Variants in PCDH7 observed in about 807,000 individuals in gnomAD.
PCDH7 encodes protocadherin 7, also known as protocadherin-7.
In PCDH7, 17 loss-of-function variants were observed where a neutral mutation model predicts 58.9. The ratio of observed to expected loss-of-function variants is 0.29; its 90% CI spans 0.20 to 0.43. The LOEUF (loss-of-function observed/expected upper bound fraction) is 0.43. Ranked by LOEUF, PCDH7 falls within the 20% of genes least tolerant of loss-of-function variation. The pLI is 1.00. For missense variants in PCDH7, 1,274 were observed against 1,441.0 expected (o/e 0.88, Z 1.88); for synonymous variants, 664 against 616.4 (o/e 1.08, Z -1.14).
chr4:31,065,918 T>G (rs1758050888), intron 3 of PCDH7, among the ~76,000 whole-genome samples: 1 of 151,914 alleles, frequency 6.6e-6, no homozygotes, highest in Non-Finnish European at 1.5e-5. Flanking sequence ...AAAATTGAGT[T>G]ATTTTGGTAA....
intron 3 of PCDH7, among the ~76,000 whole-genome samples, chr4:31,036,374 C>G (rs1248984855): frequency 6.6e-6 from 1 of 152,042 alleles, no homozygotes; most frequent in East Asian, 1.9e-4. Context: ...TTAGTAGAGA[C>G]AGAGTTTCAC....
intron 1 of PCDH7, among the ~76,000 whole-genome samples, chr4:30,870,578 G>A (rs1735454918): frequency 6.6e-6 from 1 of 151,954 alleles, no homozygotes; most frequent in African/African-American, 2.4e-5. Flanking sequence ...ACCATAGAAG[G>A]CTTCTATGGA....
intron 3 of PCDH7, among the ~76,000 whole-genome samples, chr4:31,074,729 G>C (rs1404954527): frequency 1.5e-5 from 2 of 133,396 alleles, no homozygotes; most frequent in South Asian, 2.5e-4. Flanking sequence ...AGGTTGCAGT[G>C]AGCCGAGATC....
At chr4:31,130,766 G>A (rs1421022477) in intron 3 of PCDH7, among the ~76,000 whole-genome samples, 1 of 152,114 alleles carries the variant, frequency 6.6e-6, no homozygotes, top group African/African-American at 2.4e-5. Context: ...GCAATGACAA[G>A]TGCAGTCTTT....
chr4:31,131,762 A>G (rs1159470010), intron 3 of PCDH7, among the ~76,000 whole-genome samples: 3 of 152,192 alleles, frequency 2.0e-5, no homozygotes, highest in African/African-American at 7.2e-5. Context: ...CCAAGCAAAG[A>G]GTTTGAGAAT....
intron 3 of PCDH7, among the ~76,000 whole-genome samples, chr4:31,105,662 G>C (rs1262318987): frequency 6.6e-6 from 1 of 152,138 alleles, no homozygotes; most frequent in Non-Finnish European, 1.5e-5. Flanking sequence ...GCTATAATAA[G>C]TATTGTTAGA....
At chr4:30,996,994 G>T (rs1014287443) in intron 3 of PCDH7, among the ~76,000 whole-genome samples, 1 of 151,926 alleles carries the variant, frequency 6.6e-6, no homozygotes, top group African/African-American at 2.4e-5. Flanking sequence ...CATTAAATTG[G>T]ATACTAATTG....
At chr4:30,750,761 G>T (rs1049710553) in intron 1 of PCDH7, among the ~76,000 whole-genome samples, 1 of 152,116 alleles carries the variant, frequency 6.6e-6, no homozygotes, top group Non-Finnish European at 1.5e-5. Flanking sequence ...TACAAAAAAT[G>T]GTTATGAATG....
chr4:30,902,225 G>A (rs1444696114), intron 1 of PCDH7, among the ~76,000 whole-genome samples: 3 of 152,108 alleles, frequency 2.0e-5, no homozygotes, highest in Non-Finnish European at 4.4e-5. Flanking sequence ...TTATCCACTG[G>A]AAAGGATGAT....
At chr4:30,784,861 A>G (rs1269798793) in intron 1 of PCDH7, among the ~76,000 whole-genome samples, 1 of 152,060 alleles carries the variant, frequency 6.6e-6, no homozygotes, top group Non-Finnish European at 1.5e-5. Flanking sequence ...GGTGTATTCC[A>G]CAATCTAAAA....
At chr4:30,929,556 G>A (rs1297497723) in intron 2 of PCDH7, among the ~76,000 whole-genome samples, 2 of 151,962 alleles carry the variant, frequency 1.3e-5, no homozygotes, top group Admixed American at 6.5e-5. Flanking sequence ...ACTAACATAT[G>A]ATAATGTTAA....
At chr4:30,742,287 A>T (rs1239669659) in intron 1 of PCDH7, among the ~76,000 whole-genome samples, 2 of 152,200 alleles carry the variant, frequency 1.3e-5, no homozygotes, top group Non-Finnish European at 2.9e-5. Flanking sequence ...TTAATGAAGA[A>T]TTTATGCTTA....
At chr4:30,744,993 T>C (rs1717578937) in intron 1 of PCDH7, among the ~76,000 whole-genome samples, 1 of 152,232 alleles carries the variant, frequency 6.6e-6, no homozygotes, top group Non-Finnish European at 1.5e-5. Context: ...TAGTTATTTT[T>C]AGATGTCAAA....
chr4:31,056,514 A>AAAGAAAGG (rs1560608904), intron 3 of PCDH7, among the ~76,000 whole-genome samples: 1 of 102,506 alleles, frequency 9.8e-6, no homozygotes, highest in Admixed American at 9.4e-5. Flanking sequence ...AGAAAGAAAG[A>AAAGAAAGG]AAGGGGAAGG....
intron 3 of PCDH7, among the ~76,000 whole-genome samples, chr4:31,022,912 C>T (rs1242519811): frequency 6.6e-6 from 1 of 151,796 alleles, no homozygotes; most frequent in Non-Finnish European, 1.5e-5. Context: ...TAAAATAGAC[C>T]AACAGTTAAG....
Position 30,722,141 on chromosome 4 carries a change from G to T in PCDH7, c.719G>T (p.Arg240Leu), listed in dbSNP as rs1429311638. The T allele has an allele frequency of 2.7e-6, 4 of 1,465,444 alleles. No individual in the cohort carries two copies. In the African/African-American group the frequency reaches 4.4e-5, roughly 16 times the overall value. 90.8% of individuals were successfully genotyped at this position (1,465,444 alleles called of 1,614,324 possible). Residue 240 changes from arginine (R) to leucine (L), a missense_variant, in exon 1 of 2, where the codon CGC becomes CTC. By Grantham distance (102) the Arg-to-Leu change is moderately radical. Coordinates refer to ENST00000361762, the Ensembl canonical transcript of PCDH7. This position sits in a 1 kb window ranked among gnomAD's most constrained non-coding sequence, Gnocchi z 7.6. ...GGCGGCGGCACCAACCCCGGCGGCC[G>T]CAGCAGCGTGTTCGAGCTGCAGGTG...
chr4:30,796,951 T>C (rs2109303021), intron 1 of PCDH7, among the ~76,000 whole-genome samples: 1 of 152,104 alleles, frequency 6.6e-6, no homozygotes, highest in South Asian at 2.1e-4. Context: ...TATTAAGTTG[T>C]TGGCGCTTTT....
intron 2 of PCDH7, among the ~76,000 whole-genome samples, chr4:30,940,508 G>T (rs1037702394): frequency 1.3e-5 from 2 of 151,800 alleles, no homozygotes; most frequent in Non-Finnish European, 2.9e-5. Flanking sequence ...TATTTTTTGT[G>T]CATTATGTAT....
At chr4:30,822,078 C>T (rs1376185626) in intron 1 of PCDH7, among the ~76,000 whole-genome samples, 3 of 152,040 alleles carry the variant, frequency 2.0e-5, no homozygotes, top group Admixed American at 2.0e-4. Context: ...ATGGCACAGA[C>T]ATAGTAAGTC....
Sources: gnomAD v4.1 joint callset for allele counts (sites outside exome capture counted in the v4.1 genomes callset) on GRCh38, gnomAD v4.1.1 for gene constraint, Gnocchi (gnomAD v3.1) non-coding constraint, MANE v1.5 for transcripts, NCBI Gene and HGNC (gene_info 2026-07-23, HGNC 2026-07-21) for gene names.